Variants in SCAF4 observed in about 807,000 individuals in gnomAD.
SCAF4 encodes the protein SR-related and CTD-associated factor 4.
Under a neutral mutation model 129.8 loss-of-function variants are expected in SCAF4, and 25 were observed. The ratio of observed to expected loss-of-function variants is 0.19; its 90% confidence interval spans 0.14 to 0.27. SCAF4 has a LOEUF of 0.27. Ranked by LOEUF, SCAF4 falls within the 10% of genes least tolerant of loss-of-function variation. The pLI, the probability that SCAF4 is intolerant of heterozygous loss-of-function variation, is 1.00. For synonymous variants in SCAF4, 551 were observed against 497.7 expected, an observed-to-expected ratio of 1.11 and a Z score of -1.43; for missense variants, 1,246 against 1,457.1, an observed-to-expected ratio of 0.86 and a Z score of 2.36.
intron 1 of SCAF4, among the ~76,000 whole-genome samples, chr21:31,714,084 T>C (rs571207397): frequency 1.3e-5 from 2 of 152,268 alleles, no homozygotes; most frequent in Admixed American, 6.5e-5. Flanking sequence ...GGCAAATTAA[T>C]TTCTCTAAGC....
chr21:31,728,231 T>C (rs2051257566), intron 1 of SCAF4, among the ~76,000 whole-genome samples: 1 of 152,326 alleles, frequency 6.6e-6, no homozygotes. Flanking sequence ...AAGACTTATA[T>C]ATATACATAT....
intron 11 of SCAF4, 110 bp downstream of exon 11, chr21:31,694,094 C>G (rs1180929931): frequency 1.6e-6 from 1 of 611,656 alleles, no homozygotes; most frequent in African/African-American, 1.8e-5. Flanking sequence ...ACAAACATAC[C>G]AACTGTTATT....
chr21:31,697,313 T>G (rs1435156214), intron 7 of SCAF4, among the ~76,000 whole-genome samples: 1 of 152,104 alleles, frequency 6.6e-6, no homozygotes, highest in Admixed American at 6.5e-5. Flanking sequence ...ACCAGAAACT[T>G]TCATGTAAAA....
In SCAF4 at chr21:31,690,882, A is replaced by C. The variant is rs749084294; in HGVS notation, c.1800T>G (p.Thr600=). Residue 600 remains threonine, a synonymous_variant, in exon 15 of 20, where the codon ACT becomes ACG. Transcript: ENST00000286835. Reference sequence around the variant, plus strand: ...GCTTGACTTTGTCCCATGGAATATAAGTAACACCAAGTTCTACATCCCAAT... The same window carrying C: ...GCTTGACTTTGTCCCATGGAATATACGTAACACCAAGTTCTACATCCCAAT... ...KQYWDVELGV[T]YIPWDKVKPE... 8.1e-6 allele frequency: 13 copies of C among 1,613,582 alleles called. No homozygotes were observed. In the East Asian group the frequency reaches 2.9e-4, roughly 36 times the overall value.
At chr21:31,672,883 A>C (rs2049747252) in intron 19 of SCAF4, among the ~76,000 whole-genome samples, 2 of 152,254 alleles carry the variant, frequency 1.3e-5, no homozygotes, top group Admixed American at 6.5e-5. Flanking sequence ...TATTATTAAA[A>C]TGCCTCATGC....
chr21:31,681,911 C>T (rs2123486143), intron 19 of SCAF4, among the ~76,000 whole-genome samples: 1 of 152,228 alleles, frequency 6.6e-6, no homozygotes, highest in East Asian at 1.9e-4. Flanking sequence ...TGTTTGGTGC[C>T]TAGTACTTTA....
At chr21:31,690,251 G>A (rs947855572) in intron 15 of SCAF4, among the ~76,000 whole-genome samples, 1 of 152,098 alleles carries the variant, frequency 6.6e-6, no homozygotes, top group Non-Finnish European at 1.5e-5. Flanking sequence ...ATGGGAGGTC[G>A]AGGTGGGCGG....
intron 1 of SCAF4, among the ~76,000 whole-genome samples, chr21:31,723,204 C>T (rs1306578597): frequency 6.6e-6 from 1 of 152,086 alleles, no homozygotes; most frequent in East Asian, 1.9e-4. Context: ...ATGTGAAGAT[C>T]AATTTTAATA....
At chr21:31,689,845 GA>G (rs2050217119) in intron 15 of SCAF4, among the ~76,000 whole-genome samples, 1 of 151,796 alleles carries the variant, frequency 6.6e-6, no homozygotes, top group African/African-American at 2.4e-5. Context: ...TGAGGCAGGA[GA>G]ATCACTGGAA....
chr21:31,717,888 CATAT>C lies in SCAF4; in HGVS notation c.31-11535_31-11532del, dbSNP rs1175779790. 3.6e-3 allele frequency among the ~76,000 whole-genome samples: 408 copies of C among 114,430 alleles called. 6 individuals are homozygous for C. Among genetic ancestry groups the C allele is most frequent in the African/African-American group, 0.014 (393 of 28,946 alleles). 75.1% of individuals were successfully genotyped at this position (114,430 alleles called of 152,430 possible). On this transcript the variant is annotated intron_variant, in intron 1 of 19. Coordinates refer to ENST00000286835, the MANE Select transcript of SCAF4 (RefSeq NM_020706.2). ...ACACACACATATACACATATATACA[CATAT>C]ATACACATATATACACACACACACA...
intron 1 of SCAF4, 193 bp from the exon 2 acceptor site, chr21:31,706,550 G>T: frequency 1.8e-6 from 1 of 554,098 alleles, no homozygotes; most frequent in South Asian, 2.4e-5. Flanking sequence ...CCACTGCCGT[G>T]ATACCCAAGA....
rs2050278728 is a variant in SCAF4, at chr21:31,692,334, T to G, written c.1614+15A>C. On this transcript the variant is annotated intron_variant, in intron 13 of 19. Transcript: ENST00000286835. ...CACCTGTCCATCGTACTTAAAAAAC[T>G]GAATAAACACTCACATTAATTGATT... 2.5e-6 allele frequency: 4 copies of G among 1,588,882 alleles called. No homozygotes were observed. Among genetic ancestry groups the G allele is most frequent in the Non-Finnish European group, 3.5e-6 (4 of 1,157,122 alleles).
rs1568839332 is a variant in SCAF4, at chr21:31,694,292, T to C, written c.1237-3A>G. 2 of 1,567,810 alleles carry C rather than the reference T, an allele frequency of 1.3e-6. No individual in the cohort carries two copies. The highest frequency in any genetic ancestry group is 3.5e-5 in the Admixed American group (2 of 57,390). ...CAAGGTTGTTCTACTTCCATTTCCT[T>C]AAAAAACAAAAACCATGATAAAATG... On this transcript the variant is annotated splice_polypyrimidine_tract_variant and splice_region_variant and intron_variant, in intron 10 of 19. Coordinates refer to ENST00000286835, the MANE Select transcript of SCAF4 (RefSeq NM_020706.2).
chr21:31,692,295 A>G, intron 13 of SCAF4, 54 bp downstream of exon 13: 1 of 1,379,418 alleles, frequency 7.2e-7, no homozygotes, highest in African/African-American at 1.4e-5. Flanking sequence ...CATTTCATAA[A>G]ATGACATTAA....
chr21:31,672,363 C>T lies in SCAF4; in HGVS notation c.2489-9G>A, dbSNP rs773056583. The T allele has an allele frequency of 2.3e-5, 37 of 1,603,662 alleles. No homozygotes were observed. The highest frequency in any genetic ancestry group is 4.5e-5 in the East Asian group (2 of 44,822). On this transcript the variant is annotated splice_polypyrimidine_tract_variant and intron_variant, in intron 19 of 19. Coordinates refer to ENST00000286835, the MANE Select transcript of SCAF4 (RefSeq NM_020706.2). ...GGCAACTCCTTGAGTGCCTAAAAGA[C>T]GACAAAAATAAAAATGTAAACACCA...
In SCAF4 at chr21:31,676,631, G is replaced by A. The variant is rs575690829; in HGVS notation, c.2489-4277C>T. Among the ~76,000 whole-genome samples the A allele has an allele frequency of 2.0e-5, 3 of 152,224 alleles. No homozygotes were observed. The East Asian group carries it at 5.8e-4, about 29-fold the overall frequency. On this transcript the variant is annotated intron_variant, in intron 19 of 19. Coordinates refer to ENST00000286835, the MANE Select transcript of SCAF4 (RefSeq NM_020706.2). ...ATCCACATTCTCATGTCCTGGATGA[G>A]GACACATGTTCAAGGTCCTCCTTCA...
In SCAF4 at chr21:31,671,372, CTG is replaced by C; in HGVS notation, c.*25_*26del. Reference sequence around the variant, plus strand: ...AAGCTCTACACTCCAGGAAGTGTCACTGTCACATTTTCACAAATTCCAGTCTC... The same window carrying C: ...AAGCTCTACACTCCAGGAAGTGTCACTCACATTTTCACAAATTCCAGTCTC... On this transcript the variant is annotated 3_prime_UTR_variant, in exon 20 of 20. Coordinates refer to ENST00000286835, the MANE Select transcript of SCAF4 (RefSeq NM_020706.2). 6.2e-7 allele frequency: 1 copy of C among 1,602,976 alleles called. No individual in the cohort carries two copies. Among genetic ancestry groups the C allele is most frequent in the Non-Finnish European group, 8.5e-7 (1 of 1,174,496 alleles).
chr21:31,730,465 G>A (rs2051321101), intron 1 of SCAF4, among the ~76,000 whole-genome samples: 1 of 152,090 alleles, frequency 6.6e-6, no homozygotes, highest in African/African-American at 2.4e-5. Context: ...CAGTGTAATT[G>A]GAAAGTCCCA....
rs374428803 is a variant in SCAF4 at position 31,672,579 on chromosome 21, T to C, written c.2489-225A>G. 2.7e-4 allele frequency among the ~76,000 whole-genome samples: 41 copies of C among 152,258 alleles called. 2 individuals carry two copies. In the South Asian group the frequency reaches 8.5e-3, roughly 32 times the overall value. ...AATACAGGTAGAGGCCAGAATAAAC[T>C]GGGAAATAAAATAGTAATGGTAATA... On this transcript the variant is annotated intron_variant, in intron 19 of 19. Coordinates refer to ENST00000286835, the MANE Select transcript of SCAF4 (RefSeq NM_020706.2).
Sources: allele counts gnomAD v4.1 joint callset (sites outside exome capture counted in the v4.1 genomes callset), GRCh38; gene constraint gnomAD v4.1.1; transcripts MANE v1.5; gene names NCBI Gene and HGNC (gene_info 2026-07-23, HGNC 2026-07-21).